The following ADAMTS17 variants were observed in gnomAD, a reference collection of about 807,000 sequenced individuals.
The protein encoded by ADAMTS17 is ADAM metallopeptidase with thrombospondin type 1 motif 17.
In ADAMTS17, 113 loss-of-function variants were observed where a neutral mutation model predicts 141.5. The observed-to-expected ratio is 0.80, with a 90% CI of 0.69 to 0.93. The LOEUF is 0.93. Among genes scored for constraint, ADAMTS17 ranks in the 40% least tolerant of loss-of-function variants. The pLI, the probability that ADAMTS17 is intolerant of heterozygous loss-of-function variation, is 0.00. For missense variants in ADAMTS17, 1,659 were observed against 1,517.9 expected, an observed-to-expected ratio of 1.09 and a Z score of -1.54; for synonymous variants, 768 against 630.6, an observed-to-expected ratio of 1.22 and a Z score of -3.27.
intron 3 of ADAMTS17, among the ~76,000 whole-genome samples, chr15:100,307,448 G>A (rs895867178): frequency 6.6e-6 from 1 of 152,190 alleles, no homozygotes; most frequent in Non-Finnish European, 1.5e-5. Context: ...GCAAGAGCAA[G>A]CAAGGAAGCC....
rs148515417 is a variant in ADAMTS17, at chr15:100,328,819, T to C, written c.616+2070A>G. Among the ~76,000 whole-genome samples the C allele has an allele frequency of 1.9e-3, 288 of 152,240 alleles. 1 individual carries two copies. The highest frequency in any genetic ancestry group is 6.6e-3 in the African/African-American group (275 of 41,556). Reference sequence around the variant, plus strand: ...CCCATTATCTCATCTACAAGCACGCTGAGTTCTGACCATGGACTAGAGTCT... The same window carrying C: ...CCCATTATCTCATCTACAAGCACGCCGAGTTCTGACCATGGACTAGAGTCT... On this transcript the variant is annotated intron_variant, in intron 3 of 21. Transcript: ENST00000268070.
At chr15:100,281,958 A>G (rs2044300380) in intron 3 of ADAMTS17, among the ~76,000 whole-genome samples, 1 of 152,196 alleles carries the variant, frequency 6.6e-6, no homozygotes, top group African/African-American at 2.4e-5. Flanking sequence ...TACGACCCAC[A>G]TCCAGGCTAA....
intron 7 of ADAMTS17, among the ~76,000 whole-genome samples, chr15:100,234,118 G>A (rs988355980): frequency 6.6e-6 from 1 of 152,178 alleles, no homozygotes; most frequent in African/African-American, 2.4e-5. Flanking sequence ...CTGGACCGTG[G>A]GAGGAATGGC....
intron 15 of ADAMTS17, among the ~76,000 whole-genome samples, chr15:100,061,871 G>A (rs1596324475): frequency 6.6e-6 from 1 of 152,232 alleles, no homozygotes; most frequent in African/African-American, 2.4e-5. Context: ...GCATCCCACG[G>A]AGGGCCTCCA....
intron 18 of ADAMTS17, among the ~76,000 whole-genome samples, chr15:100,023,068 C>A (rs549992720): frequency 4.7e-4 from 71 of 152,312 alleles, no homozygotes; most frequent in Non-Finnish European, 7.3e-5. Flanking sequence ...CAGCAAGAGG[C>A]ACACAGGAGA....
chr15:100,289,548 T>TCTCACA (rs2044561335), intron 3 of ADAMTS17, among the ~76,000 whole-genome samples: 1 of 146,450 alleles, frequency 6.8e-6, no homozygotes, highest in Non-Finnish European at 1.5e-5. Flanking sequence ...ATACACACAC[T>TCTCACA]CACACACACA....
chr15:100,055,475 G>T (rs1252527078), intron 15 of ADAMTS17, among the ~76,000 whole-genome samples: 1 of 152,090 alleles, frequency 6.6e-6, no homozygotes, highest in African/African-American at 2.4e-5. Context: ...GCAGGCTCAG[G>T]GCTTCTCGTG....
chr15:100,218,880 C>T (rs2042048240), intron 7 of ADAMTS17, among the ~76,000 whole-genome samples: 1 of 151,696 alleles, frequency 6.6e-6, no homozygotes, highest in African/African-American at 2.4e-5. Context: ...CCTGAACACG[C>T]AAACGTCCAC....
At position 100,296,994 on chromosome 15, in the gene ADAMTS17, A is replaced by C. The variant is rs79907121; in HGVS notation, c.617-15593T>G. On this transcript the variant is annotated intron_variant, in intron 3 of 21. Transcript: ENST00000268070. The stretch of plus-strand genomic sequence containing the variant: ...CATGTGACAGGTACTATCAAGAAAG[A>C]GTGGACAATGCTATGAGAAAATATA... Among the ~76,000 whole-genome samples, 811 of 152,338 alleles carry C rather than the reference A, an allele frequency of 5.3e-3. 15 individuals are homozygous for C. In the East Asian group the frequency reaches 0.069, roughly 13 times the overall value.
chr15:100,098,697 G>A (rs909920411), intron 14 of ADAMTS17, among the ~76,000 whole-genome samples: 3 of 151,952 alleles, frequency 2.0e-5, no homozygotes, highest in African/African-American at 7.3e-5. Flanking sequence ...TAAGAATAAA[G>A]AGTAGCCAAG....
intron 15 of ADAMTS17, among the ~76,000 whole-genome samples, chr15:100,084,828 C>T (rs8037271): frequency 0.012 from 1,765 of 152,242 alleles, 40 homozygotes; most frequent in African/African-American, 0.041. Flanking sequence ...ACATCCACAC[C>T]AAAAACCCAT....
rs1162198212 is a variant in ADAMTS17 at position 100,281,113 on chromosome 15, A to G, written c.789+116T>C. On this transcript the variant is annotated intron_variant, in intron 4 of 21. Coordinates refer to ENST00000268070, the MANE Select transcript of ADAMTS17 (RefSeq NM_139057.4). ...CAGAATTACCAGGCTATGTTCCCGT[A>G]TCCCCAACCCAGCGTCTTCCTCACT... is the stretch of plus-strand genomic sequence containing the variant. 7 of 1,425,260 alleles carry G rather than the reference A, an allele frequency of 4.9e-6. No individual in the cohort carries two copies. In the East Asian group the frequency reaches 1.6e-4, roughly 33 times the overall value. The allele number at this position is 1,425,260 out of a possible 1,614,324, so 88.3% of individuals were successfully genotyped here.
chr15:100,090,914 G>A (rs1352504550), intron 15 of ADAMTS17, among the ~76,000 whole-genome samples: 9 of 150,904 alleles, frequency 6.0e-5, no homozygotes, highest in African/African-American at 9.8e-5. Context: ...AGGCTGAGGC[G>A]GGGGAATAGC....
At chr15:100,151,860 G>T (rs1225369063) in intron 10 of ADAMTS17, among the ~76,000 whole-genome samples, 1 of 152,206 alleles carries the variant, frequency 6.6e-6, no homozygotes, top group East Asian at 1.9e-4. Flanking sequence ...CATAAAACCA[G>T]CCAAGTCACA....
At chr15:100,106,249 G>T (rs2036408970) in intron 14 of ADAMTS17, among the ~76,000 whole-genome samples, 1 of 152,168 alleles carries the variant, frequency 6.6e-6, no homozygotes, top group South Asian at 2.1e-4. Flanking sequence ...ATCTATGCCA[G>T]CCCCTGGATG....
intron 15 of ADAMTS17, among the ~76,000 whole-genome samples, chr15:100,091,207 A>G (rs553772177): frequency 6.6e-6 from 1 of 151,678 alleles, no homozygotes; most frequent in South Asian, 2.1e-4. Flanking sequence ...CCAAGTCCCA[A>G]AGCACCCTGG....
chr15:100,191,734 T>G (rs1045747473), intron 8 of ADAMTS17, among the ~76,000 whole-genome samples: 4 of 152,160 alleles, frequency 2.6e-5, no homozygotes, highest in African/African-American at 9.7e-5. Flanking sequence ...CATCCAAGAT[T>G]CTCTGCTGGG....
At chr15:100,274,123 C>T (rs1296092019) in intron 4 of ADAMTS17, among the ~76,000 whole-genome samples, 2 of 152,098 alleles carry the variant, frequency 1.3e-5, no homozygotes, top group Non-Finnish European at 2.9e-5. Flanking sequence ...CAGAATGTCC[C>T]ATGTTCCCTT....
chr15:100,105,565 G>T (rs1596446828), intron 14 of ADAMTS17, among the ~76,000 whole-genome samples: 1 of 152,154 alleles, frequency 6.6e-6, no homozygotes, highest in Admixed American at 6.5e-5. Flanking sequence ...AAATTGAACC[G>T]TTCATACCAA....
Sources: allele counts gnomAD v4.1 joint callset (sites outside exome capture counted in the v4.1 genomes callset), GRCh38; gene constraint gnomAD v4.1.1; transcripts MANE v1.5; gene names NCBI Gene and HGNC (gene_info 2026-07-23, HGNC 2026-07-21).